LMNTD1: variants seen among roughly 807,000 people sequenced by gnomAD.
LMNTD1 encodes lamin tail domain containing 1.
In LMNTD1, 35 loss-of-function variants were observed where a neutral mutation model predicts 50.9. That is an observed-to-expected ratio of 0.69 (90% CI 0.53 to 0.91). The LOEUF (loss-of-function observed/expected upper bound fraction) is 0.91, where lower values mean the gene tolerates loss of function less well. LMNTD1 is among the 40% of genes least tolerant of loss of function. The pLI, the probability that LMNTD1 is intolerant of heterozygous loss-of-function variation, is 0.00. For synonymous variants in LMNTD1, 153 were observed against 161.9 expected (o/e 0.94, Z 0.42); for missense variants, 470 against 475.5 (o/e 0.99, Z 0.11).
chr12:25,508,260 A>AT (rs992209160), intron 8 of LMNTD1, among the ~76,000 whole-genome samples: 1 of 152,222 alleles, frequency 6.6e-6, no homozygotes, highest in African/African-American at 2.4e-5. Flanking sequence ...TTCTAGAAGC[A>AT]TTTTTGGTAA....
intron 9 of LMNTD1, among the ~76,000 whole-genome samples, chr12:25,480,516 C>A (rs947854070): frequency 6.6e-6 from 1 of 152,168 alleles, no homozygotes; most frequent in Non-Finnish European, 1.5e-5. Flanking sequence ...AAAGGTCAAT[C>A]CTCTGTCTGC....
At chr12:25,615,245 G>A (rs1414364140) in intron 1 of LMNTD1, among the ~76,000 whole-genome samples, 1 of 152,144 alleles carries the variant, frequency 6.6e-6, no homozygotes, top group African/African-American at 2.4e-5. Context: ...CTGACCATGA[G>A]TCAGCAACAT....
At chr12:25,587,683 G>T (rs1422866853) in intron 1 of LMNTD1, among the ~76,000 whole-genome samples, 4 of 152,234 alleles carry the variant, frequency 2.6e-5, no homozygotes, top group Non-Finnish European at 5.9e-5. Flanking sequence ...GAGATTTGGA[G>T]AGGGCATCCA....
intron 1 of LMNTD1, among the ~76,000 whole-genome samples, chr12:25,601,273 G>A (rs1014522892): frequency 2.6e-5 from 4 of 151,866 alleles, no homozygotes; most frequent in African/African-American, 9.7e-5. Flanking sequence ...GGAAGTTAGA[G>A]AGTAGAAGGA....
chr12:25,494,348 C>A (rs1009217388), intron 9 of LMNTD1, among the ~76,000 whole-genome samples: 1 of 151,452 alleles, frequency 6.6e-6, no homozygotes, highest in Middle Eastern at 3.4e-3. Flanking sequence ...ACATACATAA[C>A]TTATTTAGGA....
intron 9 of LMNTD1, among the ~76,000 whole-genome samples, chr12:25,493,649 C>A (rs6487494): frequency 6.6e-6 from 1 of 152,032 alleles, no homozygotes; most frequent in African/African-American, 2.4e-5. Flanking sequence ...CAGACATTCC[C>A]GTTCCCAATG....
intron 1 of LMNTD1, among the ~76,000 whole-genome samples, chr12:25,634,436 A>G (rs1350865138): frequency 6.6e-6 from 1 of 152,216 alleles, no homozygotes; most frequent in Non-Finnish European, 1.5e-5. Flanking sequence ...AAAATCCAAA[A>G]TACTAGCTAA....
At chr12:25,545,031 G>T (rs571694098) in intron 4 of LMNTD1, among the ~76,000 whole-genome samples, 1 of 151,646 alleles carries the variant, frequency 6.6e-6, no homozygotes, top group East Asian at 1.9e-4. Context: ...TACAATTCTG[G>T]GTTTTTCCAT....
At chr12:25,540,919 C>T (rs1482822149) in intron 4 of LMNTD1, among the ~76,000 whole-genome samples, 1 of 136,288 alleles carries the variant, frequency 7.3e-6, no homozygotes, top group Non-Finnish European at 1.6e-5. Flanking sequence ...ACAAGCATTC[C>T]TATACACCAA....
chr12:25,605,696 G>A (rs528281610), intron 1 of LMNTD1, among the ~76,000 whole-genome samples: 181 of 152,208 alleles, frequency 1.2e-3, no homozygotes, highest in African/African-American at 4.1e-3. Flanking sequence ...TGTTCCATTG[G>A]TCTATATCTC....
intron 8 of LMNTD1, 46 bp downstream of exon 8, chr12:25,518,749 G>A: frequency 6.4e-7 from 1 of 1,559,158 alleles, no homozygotes; most frequent in Non-Finnish European, 8.8e-7. Context: ...ACATGTGCAT[G>A]CACACACACG....
intron 9 of LMNTD1, among the ~76,000 whole-genome samples, chr12:25,495,379 T>C (rs1939027784): frequency 6.6e-6 from 1 of 151,894 alleles, no homozygotes; most frequent in Non-Finnish European, 1.5e-5. Flanking sequence ...AGTTCATCCA[T>C]CTGTAGATGA....
intron 1 of LMNTD1, among the ~76,000 whole-genome samples, chr12:25,640,058 A>G (rs555343809): frequency 6.6e-6 from 1 of 152,340 alleles, no homozygotes; most frequent in African/African-American, 2.4e-5. Context: ...GACCACAATT[A>G]TATGATTCCA....
At position 25,549,441 on chromosome 12, in the gene LMNTD1, C is replaced by A; in HGVS notation, c.195G>T (p.Met65Ile). ...GACTAGACAGATAGTAACCAAGAGG[C>A]ATTCCACTGGAATTTGAAGATGACA... ...LPLSSSNSSG[M>I]PLGYYLSSPQ... Residue 65 changes from methionine (M) to isoleucine (I), a missense_variant, in exon 3 of 10, where the codon ATG becomes ATT. Physicochemically the swap from Met to Ile is conservative, Grantham distance 10 (BLOSUM62 1). Transcript: ENST00000458174. The A allele has an allele frequency of 6.2e-7, 1 of 1,613,130 alleles. No homozygotes were observed.
intron 1 of LMNTD1, among the ~76,000 whole-genome samples, chr12:25,589,665 GT>G (rs1322295591): frequency 1.3e-5 from 2 of 152,054 alleles, no homozygotes; most frequent in African/African-American, 4.8e-5. Context: ...TTTGATTATT[GT>G]TTTGATGCTC....
At chr12:25,605,142 T>A (rs1238570795) in intron 1 of LMNTD1, among the ~76,000 whole-genome samples, 1 of 152,214 alleles carries the variant, frequency 6.6e-6, no homozygotes, top group African/African-American at 2.4e-5. Context: ...TGCATAAATG[T>A]CTTCTTTTGA....
intron 8 of LMNTD1, among the ~76,000 whole-genome samples, chr12:25,505,193 G>GT (rs59795018): frequency 1.5e-4 from 22 of 151,056 alleles, no homozygotes; most frequent in Non-Finnish European, 2.7e-4. Flanking sequence ...GCAATTTTGG[G>GT]TTTTTTTTTG....
At chr12:25,497,767 C>T (rs750210183) in intron 9 of LMNTD1, 1 of 151,566 alleles carries the variant, frequency 6.6e-6, no homozygotes, top group East Asian at 1.9e-4. Flanking sequence ...CACTGCACTC[C>T]AGCCTGGGCA....
intron 1 of LMNTD1, among the ~76,000 whole-genome samples, chr12:25,575,516 G>A (rs567573023): frequency 6.6e-6 from 1 of 152,112 alleles, no homozygotes; most frequent in African/African-American, 2.4e-5. Context: ...TGTGAAAAAT[G>A]TCATCTTAGA....
Sources: gnomAD v4.1 joint callset for allele counts (sites outside exome capture counted in the v4.1 genomes callset) on GRCh38, gnomAD v4.1.1 for gene constraint, MANE v1.5 for transcripts, NCBI Gene and HGNC (gene_info 2026-07-23, HGNC 2026-07-21) for gene names.